DISC1: variants seen among roughly 807,000 people sequenced by gnomAD.
The protein encoded by DISC1 is DISC1 scaffold protein.
DISC1 carries 57 observed loss-of-function variants against 84.5 expected under a neutral mutation model. The ratio of observed to expected loss-of-function variants is 0.67; its 90% CI spans 0.55 to 0.84. The LOEUF is 0.84. Among genes scored for constraint, DISC1 ranks in the 40% least tolerant of loss-of-function variants. DISC1 has a pLI of 0.00. For missense variants in DISC1, 1,000 were observed against 1,057.8 expected (o/e 0.95, Z 0.76); for synonymous variants, 411 against 415.2 (o/e 0.99, Z 0.12).
At chr1:232,019,283 C>G (rs1012609076) in intron 11 of DISC1, among the ~76,000 whole-genome samples, 4 of 152,148 alleles carry the variant, frequency 2.6e-5, no homozygotes, top group African/African-American at 9.7e-5. Context: ...CCTGTTATAA[C>G]TGCTTTTCAT....
intron 9 of DISC1, among the ~76,000 whole-genome samples, chr1:231,867,330 T>A (rs1487191172): frequency 1.3e-5 from 2 of 152,246 alleles, no homozygotes; most frequent in African/African-American, 4.8e-5. Flanking sequence ...ATGCAACGGA[T>A]GTACCTCTTT....
chr1:232,031,720 G>C lies in DISC1; in HGVS notation c.2426-4972G>C, dbSNP rs16856285. On this transcript the variant is annotated intron_variant, in intron 12 of 12. Transcript: ENST00000439617. This position sits in a 1 kb window ranked among gnomAD's most constrained non-coding sequence, Gnocchi z 4.6. ...TAGACACAGGGCTGTCCTGCTGCTG[G>C]CTGAGCACGAGGTGGGCTTGGCACA... is the stretch of plus-strand genomic sequence containing the variant. 0.024 allele frequency among the ~76,000 whole-genome samples: 3,594 copies of C among 152,260 alleles called. 145 individuals carry two copies. Among genetic ancestry groups the C allele is most frequent in the African/African-American group, 0.082 (3,418 of 41,538 alleles).
intron 1 of DISC1, among the ~76,000 whole-genome samples, chr1:231,679,424 G>A (rs2063482338): frequency 6.6e-6 from 1 of 152,186 alleles, no homozygotes; most frequent in African/African-American, 2.4e-5. Flanking sequence ...GGAGTGATTG[G>A]TAGAGACAGT....
intron 3 of DISC1, among the ~76,000 whole-genome samples, chr1:231,726,800 G>A (rs1452871819): frequency 1.3e-5 from 2 of 152,150 alleles, no homozygotes; most frequent in Non-Finnish European, 2.9e-5. Flanking sequence ...AGAATATCAG[G>A]AAAAGAGAGA....
intron 9 of DISC1, among the ~76,000 whole-genome samples, chr1:231,877,343 T>C (rs1276795825): frequency 6.6e-6 from 1 of 152,214 alleles, no homozygotes; most frequent in Admixed American, 6.5e-5. Flanking sequence ...AAAAAGGTCA[T>C]GTTGTACTAG....
chr1:231,939,749 AT>A (rs5781680), intron 9 of DISC1, among the ~76,000 whole-genome samples: 22,506 of 146,412 alleles, frequency 0.15, 2,029 homozygotes, highest in Non-Finnish European at 0.21. Context: ...TGCTTATTCT[AT>A]TTTTTTTTTT....
intron 1 of DISC1, among the ~76,000 whole-genome samples, chr1:231,653,837 A>C (rs2060837156): frequency 6.6e-6 from 1 of 152,172 alleles, no homozygotes; most frequent in Non-Finnish European, 1.5e-5. Context: ...AGAAGAGAAT[A>C]AAGTTATTTG....
At chr1:231,747,540 C>CT (rs2074135672) in intron 3 of DISC1, among the ~76,000 whole-genome samples, 1 of 152,106 alleles carries the variant, frequency 6.6e-6, no homozygotes, top group Non-Finnish European at 1.5e-5. Flanking sequence ...TGTTTGGAAC[C>CT]TTTGTCAAAA....
rs935481138 is a variant in DISC1, at chr1:231,723,061, G to C, written c.1117+21037G>C. The C allele has an allele frequency of 3.9e-6, 4 of 1,028,516 alleles. No homozygotes were observed. The African/African-American group carries it at 6.8e-5, about 18-fold the overall frequency. The allele number at this position is 1,028,516 out of a possible 1,614,324, so 63.7% of individuals were successfully genotyped here. A position where few individuals can be genotyped will look rare whatever the true frequency, so the allele number is the denominator to read the frequency against. The stretch of plus-strand genomic sequence containing the variant: ...GCAATATGTACTACAGTTGTCCCTT[G>C]ATATCCATGGGGGATTAATTCCAGG... On this transcript the variant is annotated intron_variant, in intron 3 of 12. Coordinates refer to ENST00000439617, the MANE Select transcript of DISC1 (RefSeq NM_018662.3).
chr1:231,971,840 G>A (rs1464369284), intron 10 of DISC1, among the ~76,000 whole-genome samples: 3 of 152,168 alleles, frequency 2.0e-5, no homozygotes, highest in African/African-American at 7.2e-5. Flanking sequence ...CATCACAAAA[G>A]CAGGGACTTT....
intron 10 of DISC1, among the ~76,000 whole-genome samples, chr1:231,975,630 C>T (rs1355134509): frequency 1.3e-5 from 2 of 152,096 alleles, no homozygotes; most frequent in Non-Finnish European, 2.9e-5. Flanking sequence ...GCATAAAATA[C>T]AAATGCATAA....
chr1:231,817,123 T>C (rs1007445348), intron 8 of DISC1, among the ~76,000 whole-genome samples: 1 of 152,206 alleles, frequency 6.6e-6, no homozygotes, highest in Non-Finnish European at 1.5e-5. Context: ...CTCACTCTGT[T>C]GCTCAAGCTG....
At chr1:231,997,069 A>G (rs1666049730) in intron 10 of DISC1, among the ~76,000 whole-genome samples, 2 of 152,288 alleles carry the variant, frequency 1.3e-5, no homozygotes, top group African/African-American at 4.8e-5. Context: ...TGAAATTATT[A>G]TGTATTATGA....
chr1:232,008,812 G>T lies in DISC1; in HGVS notation c.2070G>T (p.Val690=). ...CSCKCPLLGK[V]WEADLEACRL... ...GCAAGTGTCCACTGCTTGGGAAAGT[G>T]TGGGAAGCTGACTTGGAAGCTTGTC... Residue 690 remains valine, a synonymous_variant, in exon 11 of 13, where the codon GTG becomes GTT. Coordinates refer to ENST00000439617, the MANE Select transcript of DISC1 (RefSeq NM_018662.3). The T allele has an allele frequency of 1.3e-6, 2 of 1,590,446 alleles. No homozygotes were observed. Among genetic ancestry groups the T allele is most frequent in the Non-Finnish European group, 1.7e-6 (2 of 1,167,554 alleles).
chr1:231,721,702 T>G (rs968744812), intron 3 of DISC1, among the ~76,000 whole-genome samples: 3 of 152,094 alleles, frequency 2.0e-5, no homozygotes, highest in Non-Finnish European at 4.4e-5. Context: ...AGAGATGCCT[T>G]AGGGAAGGCT....
intron 9 of DISC1, among the ~76,000 whole-genome samples, chr1:231,832,817 G>A (rs2082339586): frequency 6.7e-6 from 1 of 149,524 alleles, no homozygotes; most frequent in African/African-American, 2.5e-5. Context: ...GAACTAACCT[G>A]TAAGGCTTGT....
intron 4 of DISC1, among the ~76,000 whole-genome samples, chr1:231,756,542 AG>A (rs2075150322): frequency 6.8e-6 from 1 of 146,080 alleles, no homozygotes; most frequent in South Asian, 2.1e-4. Flanking sequence ...AGAGAGAGAG[AG>A]AGAGAGAGAG....
intron 10 of DISC1, among the ~76,000 whole-genome samples, chr1:231,967,138 A>C (rs1267168699): frequency 2.0e-5 from 3 of 152,370 alleles, no homozygotes; most frequent in Admixed American, 6.5e-5. Flanking sequence ...AATGATAGCC[A>C]GGTGAACTCA....
At chr1:231,825,384 C>G (rs1403960714) in intron 9 of DISC1, among the ~76,000 whole-genome samples, 1 of 152,124 alleles carries the variant, frequency 6.6e-6, no homozygotes, top group Non-Finnish European at 1.5e-5. Flanking sequence ...GCCAGATTTT[C>G]TGCTTTGTAG....
Sources: gnomAD v4.1 joint callset for allele counts (sites outside exome capture counted in the v4.1 genomes callset) on GRCh38, gnomAD v4.1.1 for gene constraint, Gnocchi (gnomAD v3.1) non-coding constraint, MANE v1.5 for transcripts, NCBI Gene and HGNC (gene_info 2026-07-23, HGNC 2026-07-21) for gene names.